The following LPP variants were observed in gnomAD, a reference collection of about 807,000 sequenced individuals.
The protein encoded by LPP is lipoma-preferred partner.
In LPP, 38 loss-of-function variants were observed where a neutral mutation model predicts 60.4. The ratio of observed to expected loss-of-function variants is 0.63; its 90% confidence interval spans 0.49 to 0.83. LPP has a LOEUF of 0.83. Among genes scored for constraint, LPP ranks in the 40% least tolerant of loss-of-function variants. The pLI is 0.00. For missense variants in LPP, 902 were observed against 783.6 expected (o/e 1.15, Z -1.80); for synonymous variants, 328 against 290.8 (o/e 1.13, Z -1.30).
intron 8 of LPP, among the ~76,000 whole-genome samples, chr3:188,756,107 G>A (rs1730137864): frequency 6.6e-6 from 1 of 152,290 alleles, no homozygotes; most frequent in East Asian, 1.9e-4. Flanking sequence ...GGGTGATTAG[G>A]TAGTAGGCAT....
chr3:188,428,717 T>C (rs1790140000), intron 4 of LPP, among the ~76,000 whole-genome samples: 1 of 152,052 alleles, frequency 6.6e-6, no homozygotes, highest in South Asian at 2.1e-4. Context: ...GTATTTCTAG[T>C]GCAGGAAACT....
chr3:188,322,837 A>G (rs1297027934), intron 2 of LPP, among the ~76,000 whole-genome samples: 1 of 152,328 alleles, frequency 6.6e-6, no homozygotes, highest in Middle Eastern at 3.4e-3. Context: ...AAGTTGTGAT[A>G]TGTTAATGTA....
At chr3:188,433,627 AGG>A (rs1491020581) in intron 4 of LPP, among the ~76,000 whole-genome samples, 1 of 136,530 alleles carries the variant, frequency 7.3e-6, no homozygotes, top group Admixed American at 7.2e-5. Flanking sequence ...AGAGAGAGAG[AGG>A]AGAAAGGAGA....
At chr3:188,772,957 C>T (rs777628542) in intron 9 of LPP, among the ~76,000 whole-genome samples, 1 of 152,040 alleles carries the variant, frequency 6.6e-6, no homozygotes, top group Non-Finnish European at 1.5e-5. Context: ...CTCTGAGAGA[C>T]TATGAACAGA....
chr3:188,883,314 T>C lies in LPP; in HGVS notation c.*8835T>C. ...AATTTGTGAGTTTTTTTGTTGCTGG[T>C]TGTACTTTCCTATTTAGAAGACAGA... On this transcript the variant is annotated 3_prime_UTR_variant, in exon 12 of 12. Coordinates refer to ENST00000617246, the MANE Select transcript of LPP (RefSeq NM_001375462.1). 1 of 216,018 alleles carries C rather than the reference T, an allele frequency of 4.6e-6. No homozygotes were observed. Among genetic ancestry groups the C allele is most frequent in the Non-Finnish European group, 9.3e-6 (1 of 107,086 alleles). The allele number at this position is 216,018 out of a possible 1,614,324, so 13.4% of individuals were successfully genotyped here. A position where few individuals can be genotyped will look rare whatever the true frequency, so the allele number is the denominator to read the frequency against.
intron 5 of LPP, among the ~76,000 whole-genome samples, chr3:188,490,761 T>TTC (rs1230999836): frequency 1.6e-4 from 23 of 143,534 alleles, no homozygotes; most frequent in Non-Finnish European, 2.9e-4. Flanking sequence ...ATTTTTTTTT[T>TTC]TTTTTTTTTT....
Position 188,325,332 on chromosome 3 carries a change from A to G in LPP, c.-66-16331A>G, listed in dbSNP as rs145306882. Among the ~76,000 whole-genome samples, 938 of 152,196 alleles carry G rather than the reference A, an allele frequency of 6.2e-3. 13 individuals carry two copies. The highest frequency in any genetic ancestry group is 0.021 in the African/African-American group (888 of 41,524). On this transcript the variant is annotated intron_variant, in intron 2 of 11. Coordinates refer to ENST00000617246, the MANE Select transcript of LPP (RefSeq NM_001375462.1). Reference sequence around the variant, plus strand: ...ACTTTACACAGTAATCTGTAGACACACTGACCTTCCTTTAGCCCTCTGTAT... The same window carrying G: ...ACTTTACACAGTAATCTGTAGACACGCTGACCTTCCTTTAGCCCTCTGTAT...
intron 6 of LPP, among the ~76,000 whole-genome samples, chr3:188,578,451 ATTTTCAT>A (rs1471195980): frequency 6.6e-6 from 1 of 151,872 alleles, no homozygotes; most frequent in African/African-American, 2.4e-5. Flanking sequence ...ACTGACACTA[ATTTTCAT>A]TTTATAATAC....
At chr3:188,808,136 T>C (rs955136348) in intron 9 of LPP, among the ~76,000 whole-genome samples, 2 of 152,154 alleles carry the variant, frequency 1.3e-5, no homozygotes, top group African/African-American at 4.8e-5. Context: ...CTAATGTTAC[T>C]TTGTCTTTGT....
chr3:188,157,216 A>G (rs1330965648), intron 1 of LPP, among the ~76,000 whole-genome samples: 1 of 152,114 alleles, frequency 6.6e-6, no homozygotes, highest in Non-Finnish European at 1.5e-5. Flanking sequence ...CTCCATTTGA[A>G]TCTCAAAGGT....
At chr3:188,806,787 G>A (rs1481337493) in intron 9 of LPP, among the ~76,000 whole-genome samples, 4 of 151,734 alleles carry the variant, frequency 2.6e-5, no homozygotes, top group African/African-American at 4.8e-5. Flanking sequence ...TGTCTGAGTA[G>A]TTTCAGGACC....
intron 1 of LPP, among the ~76,000 whole-genome samples, chr3:188,203,365 T>C (rs1577263098): frequency 9.6e-6 from 1 of 104,138 alleles, no homozygotes; most frequent in Non-Finnish European, 1.7e-5. Flanking sequence ...CATATATTTA[T>C]ATAAATATAT....
intron 7 of LPP, among the ~76,000 whole-genome samples, chr3:188,613,521 A>T (rs559102676): frequency 2.0e-5 from 3 of 152,088 alleles, no homozygotes; most frequent in Non-Finnish European, 4.4e-5. Flanking sequence ...AATGTGTAGA[A>T]GTGCTGGGGC....
chr3:188,731,899 G>A (rs1720756748), intron 8 of LPP, among the ~76,000 whole-genome samples: 1 of 151,798 alleles, frequency 6.6e-6, no homozygotes, highest in South Asian at 2.1e-4. Flanking sequence ...TCCCTATCTC[G>A]TTTTCTTTCC....
At chr3:188,667,921 C>A (rs1441136004) in intron 7 of LPP, among the ~76,000 whole-genome samples, 1 of 151,814 alleles carries the variant, frequency 6.6e-6, no homozygotes, top group Non-Finnish European at 1.5e-5. Context: ...GAAATTAAGA[C>A]AAGAACTGAA....
At chr3:188,532,043 C>A (rs1822319092) in intron 6 of LPP, among the ~76,000 whole-genome samples, 2 of 152,072 alleles carry the variant, frequency 1.3e-5, no homozygotes, top group Admixed American at 1.3e-4. Context: ...TGAATTGAGT[C>A]ATAAAACACC....
intron 3 of LPP, among the ~76,000 whole-genome samples, chr3:188,373,995 T>C (rs888563125): frequency 1.3e-5 from 2 of 152,216 alleles, no homozygotes; most frequent in Non-Finnish European, 2.9e-5. Flanking sequence ...TTTTGTCAGG[T>C]TTGTCAAAGA....
At chr3:188,816,915 C>G (rs1418188066) in intron 9 of LPP, among the ~76,000 whole-genome samples, 4 of 152,218 alleles carry the variant, frequency 2.6e-5, no homozygotes, top group Admixed American at 6.5e-5. Flanking sequence ...AAAATATTGA[C>G]AACAACTTCT....
At chr3:188,237,991 T>G (rs9863463) in intron 2 of LPP, among the ~76,000 whole-genome samples, 76,227 of 152,116 alleles carry the variant, frequency 0.5, 19,732 homozygotes, top group Middle Eastern at 0.63. Context: ...TCATCTACAA[T>G]GAAAATCTGT....
Sources: gnomAD v4.1 joint callset for allele counts (sites outside exome capture counted in the v4.1 genomes callset) on GRCh38, gnomAD v4.1.1 for gene constraint, MANE v1.5 for transcripts, NCBI Gene and HGNC (gene_info 2026-07-23, HGNC 2026-07-21) for gene names.